Variants in GRM7 observed in about 807,000 individuals in gnomAD.
GRM7 encodes the protein glutamate metabotropic receptor 7.
GRM7 carries 35 observed loss-of-function variants against 84.5 expected under a neutral mutation model. That is an observed-to-expected ratio of 0.41 (90% confidence interval 0.32 to 0.55). The LOEUF is 0.55. GRM7 is among the 20% of genes least tolerant of loss of function. The pLI, the probability that GRM7 is intolerant of heterozygous loss-of-function variation, is 0.19. For missense variants in GRM7, 1,003 were observed against 1,194.6 expected, an observed-to-expected ratio of 0.84 and a Z score of 2.36; for synonymous variants, 487 against 455.1, an observed-to-expected ratio of 1.07 and a Z score of -0.89.
intron 2 of GRM7, among the ~76,000 whole-genome samples, chr3:7,160,260 G>A (rs533640562): frequency 4.5e-4 from 69 of 152,222 alleles, no homozygotes; most frequent in Admixed American, 7.8e-4. Context: ...AGGCTATGTA[G>A]CCTGGGTGGG....
chr3:7,678,595 T>C lies in GRM7; in HGVS notation c.2452-1454T>C, dbSNP rs187798937. On this transcript the variant is annotated intron_variant, in intron 8 of 9. Coordinates refer to ENST00000357716, the MANE Select transcript of GRM7 (RefSeq NM_000844.4). ...TATGAACTTTAAAAATATGAACTAATTTACACTTTAAAGAGTCATTAATTC... is the reference window on the plus strand; with the variant it reads ...TATGAACTTTAAAAATATGAACTAACTTACACTTTAAAGAGTCATTAATTC... Among the ~76,000 whole-genome samples the C allele has an allele frequency of 1.1e-3, 166 of 152,348 alleles. 2 individuals carry two copies. The highest frequency in any genetic ancestry group is 0.011 in the Admixed American group (165 of 15,308).
At chr3:7,275,828 C>T (rs1248889800) in intron 2 of GRM7, among the ~76,000 whole-genome samples, 4 of 152,064 alleles carry the variant, frequency 2.6e-5, no homozygotes, top group Admixed American at 6.6e-5. Context: ...GAAGGTAAAA[C>T]CCACAAAGGT....
chr3:6,878,827 A>G (rs1309713360), intron 1 of GRM7, among the ~76,000 whole-genome samples: 1 of 152,216 alleles, frequency 6.6e-6, no homozygotes, highest in East Asian at 1.9e-4. Flanking sequence ...GATCTGCCTG[A>G]AAGTTTGTTA....
At chr3:7,142,921 A>G (rs1439732844) in intron 1 of GRM7, among the ~76,000 whole-genome samples, 1 of 152,178 alleles carries the variant, frequency 6.6e-6, no homozygotes, top group Non-Finnish European at 1.5e-5. Flanking sequence ...GAAAAGAATA[A>G]TAAGATGACA....
At chr3:7,005,371 T>A (rs1443576112) in intron 1 of GRM7, among the ~76,000 whole-genome samples, 1 of 152,216 alleles carries the variant, frequency 6.6e-6, no homozygotes, top group Non-Finnish European at 1.5e-5. Flanking sequence ...CTATAACTCA[T>A]TCATATCACA....
chr3:7,099,892 T>TGTACACGCATTATACATGTGC lies in GRM7; in HGVS notation c.520-46560_520-46559insGTACACGCATTATACATGTGC, dbSNP rs1559440086. On this transcript the variant is annotated intron_variant, in intron 1 of 9. Transcript: ENST00000357716. The stretch of plus-strand genomic sequence containing the variant: ...TATATGTACACGCATTATACATATA[T>TGTACACGCATTATACATGTGC]ACATAGATTATACATATATAATATT... 5.1e-4 allele frequency among the ~76,000 whole-genome samples: 68 copies of TGTACACGCATTATACATGTGC among 132,520 alleles called. 3 individuals are homozygous for TGTACACGCATTATACATGTGC. Among genetic ancestry groups the TGTACACGCATTATACATGTGC allele is most frequent in the Non-Finnish European group, 8.8e-4 (56 of 63,618 alleles). The allele number at this position is 132,520 out of a possible 152,430, so 86.9% of individuals were successfully genotyped here.
chr3:6,879,234 C>G (rs943810397), intron 1 of GRM7, among the ~76,000 whole-genome samples: 3 of 152,150 alleles, frequency 2.0e-5, no homozygotes, highest in Admixed American at 6.5e-5. Flanking sequence ...AAATTCAAAT[C>G]TAGAAAGTCT....
At chr3:6,877,328 A>G (rs1695345519) in intron 1 of GRM7, among the ~76,000 whole-genome samples, 1 of 152,220 alleles carries the variant, frequency 6.6e-6, no homozygotes, top group Non-Finnish European at 1.5e-5. Flanking sequence ...CCTTGACGCC[A>G]GGATACAGCA....
At chr3:7,618,443 A>T (rs1697209018) in intron 8 of GRM7, among the ~76,000 whole-genome samples, 1 of 152,168 alleles carries the variant, frequency 6.6e-6, no homozygotes. Context: ...TTAAATGCCA[A>T]AATGAACATT....
intron 8 of GRM7, among the ~76,000 whole-genome samples, chr3:7,660,935 C>T (rs1177485330): frequency 6.6e-6 from 1 of 152,182 alleles, no homozygotes; most frequent in African/African-American, 2.4e-5. Flanking sequence ...CAAACATGCA[C>T]AGACCCATGC....
intron 2 of GRM7, among the ~76,000 whole-genome samples, chr3:7,279,450 T>C (rs1015280972): frequency 2.0e-5 from 3 of 152,114 alleles, no homozygotes; most frequent in Non-Finnish European, 4.4e-5. Context: ...CCAAACCATA[T>C]GGAGCAGATG....
At chr3:7,558,831 T>G (rs1314116219) in intron 7 of GRM7, among the ~76,000 whole-genome samples, 1 of 152,158 alleles carries the variant, frequency 6.6e-6, no homozygotes, top group Non-Finnish European at 1.5e-5. Context: ...ACATGGTAAC[T>G]GTTTTGTTAA....
At chr3:7,209,041 A>C (rs1050871708) in intron 2 of GRM7, among the ~76,000 whole-genome samples, 2 of 152,210 alleles carry the variant, frequency 1.3e-5, no homozygotes, top group Admixed American at 1.3e-4. Flanking sequence ...TGAATCTCAC[A>C]GCCTTGCCTA....
intron 1 of GRM7, among the ~76,000 whole-genome samples, chr3:7,112,553 A>G (rs996153977): frequency 2.0e-5 from 3 of 152,070 alleles, no homozygotes; most frequent in Admixed American, 1.3e-4. Context: ...TTTGCTTCAC[A>G]TTTTTATATC....
intron 1 of GRM7, among the ~76,000 whole-genome samples, chr3:6,923,620 T>C (rs1056477205): frequency 1.3e-5 from 2 of 152,214 alleles, no homozygotes; most frequent in African/African-American, 2.4e-5. Flanking sequence ...TAGGGTTTTT[T>C]TCCCCCTGCA....
At chr3:7,621,120 A>G (rs1013537061) in intron 8 of GRM7, among the ~76,000 whole-genome samples, 2 of 152,132 alleles carry the variant, frequency 1.3e-5, no homozygotes, top group Admixed American at 6.6e-5. Flanking sequence ...CTGATTGAAC[A>G]TAACTACCAG....
chr3:6,926,682 T>C (rs2125039096), intron 1 of GRM7, among the ~76,000 whole-genome samples: 1 of 152,322 alleles, frequency 6.6e-6, no homozygotes, highest in Admixed American at 6.5e-5. Flanking sequence ...TTGGCCTGTT[T>C]CTTGCAAAAA....
chr3:7,104,447 C>G (rs1197079389), intron 1 of GRM7, among the ~76,000 whole-genome samples: 1 of 151,688 alleles, frequency 6.6e-6, no homozygotes, highest in Non-Finnish European at 1.5e-5. Flanking sequence ...CACTCCACTT[C>G]CATAATCTGG....
intron 1 of GRM7, among the ~76,000 whole-genome samples, chr3:6,879,017 T>C (rs1012722861): frequency 6.6e-6 from 1 of 152,158 alleles, no homozygotes; most frequent in Non-Finnish European, 1.5e-5. Flanking sequence ...CAGAGACCCA[T>C]AGGAGTGCAA....
Sources: gnomAD v4.1 joint callset for allele counts (sites outside exome capture counted in the v4.1 genomes callset) on GRCh38, gnomAD v4.1.1 for gene constraint, MANE v1.5 for transcripts, NCBI Gene and HGNC (gene_info 2026-07-23, HGNC 2026-07-21) for gene names.